The following CERS6 variants were observed in gnomAD, a reference collection of about 807,000 sequenced individuals.
The protein encoded by CERS6 is ceramide synthase 6.
A neutral mutation model predicts 56.8 loss-of-function variants in CERS6; 26 were observed. The observed-to-expected ratio is 0.46, with a 90% CI of 0.34 to 0.63. CERS6 has a LOEUF of 0.63. Among genes scored for constraint, CERS6 ranks in the 30% least tolerant of loss-of-function variants. The probability of loss-of-function intolerance (pLI) is 0.01; values close to 1 mark genes in which losing one functional copy is unlikely to be tolerated. For synonymous variants in CERS6, 164 were observed against 173.3 expected (o/e 0.95, Z 0.42); for missense variants, 415 against 467.5 (o/e 0.89, Z 1.04).
At chr2:168,561,151 A>C in intron 2 of CERS6, 41 bp from the exon 3 acceptor site, 1 of 1,609,330 alleles carries the variant, frequency 6.2e-7, no homozygotes, top group Non-Finnish European at 8.5e-7. Flanking sequence ...GTGAAAATGA[A>C]AATGGATTGA....
At chr2:168,463,727 G>A (rs1693818711) in intron 1 of CERS6, among the ~76,000 whole-genome samples, 1 of 152,098 alleles carries the variant, frequency 6.6e-6, no homozygotes, top group East Asian at 1.9e-4. Flanking sequence ...CGGCAACATG[G>A]CAAAACCCCG....
chr2:168,589,177 C>T (rs910693130), intron 3 of CERS6, among the ~76,000 whole-genome samples: 18 of 152,174 alleles, frequency 1.2e-4, no homozygotes, highest in Non-Finnish European at 2.2e-4. Context: ...ACAAGGGTTC[C>T]AATTTCTGTA....
intron 1 of CERS6, among the ~76,000 whole-genome samples, chr2:168,462,171 C>T (rs527263763): frequency 9.2e-5 from 14 of 152,242 alleles, no homozygotes; most frequent in Non-Finnish European, 1.3e-4. Flanking sequence ...CTTACATAGT[C>T]GGGACTTTCA....
Position 168,722,225 on chromosome 2 carries a change from T to A in CERS6, c.845+4247T>A, listed in dbSNP as rs557630597. Among the ~76,000 whole-genome samples, 667 of 152,306 alleles carry A rather than the reference T, an allele frequency of 4.4e-3. 3 individuals are homozygous for A. Among genetic ancestry groups the A allele is most frequent in the African/African-American group, 0.015 (614 of 41,562 alleles). On this transcript the variant is annotated intron_variant, in intron 8 of 9. Coordinates refer to ENST00000305747, the MANE Select transcript of CERS6 (RefSeq NM_203463.3). ...CGATATATAATTTGCAAATGTTTTC[T>A]CCCTTACTGAGGGTTGTCTTTCACT...
At chr2:168,677,829 T>C (rs1686103482) in intron 4 of CERS6, among the ~76,000 whole-genome samples, 1 of 152,178 alleles carries the variant, frequency 6.6e-6, no homozygotes, top group Non-Finnish European at 1.5e-5. Context: ...TTTATAATCT[T>C]TTGGGTATAT....
chr2:168,631,550 T>TAAATATAATATATA lies in CERS6; in HGVS notation c.465+508_465+509insAAATATAATATATA, dbSNP rs1684722738. Among the ~76,000 whole-genome samples, 3 of 48,772 alleles carry TAAATATAATATATA rather than the reference T, an allele frequency of 6.2e-5. 1 individual carries two copies. The highest frequency in any genetic ancestry group is 1.1e-4 in the Non-Finnish European group (3 of 26,992). The allele number at this position is 48,772 out of a possible 152,430, so 32.0% of individuals were successfully genotyped here. A position where few individuals can be genotyped will look rare whatever the true frequency, so the allele number is the denominator to read the frequency against. ...TAAATACATATTAAATATATTATATTTTTAATATTTATATATTAAATATAA... is the reference window on the plus strand; with the variant it reads ...TAAATACATATTAAATATATTATATTAAATATAATATATATTTAATATTTATATATTAAATATAA... On this transcript the variant is annotated intron_variant, in intron 4 of 9. Coordinates refer to ENST00000305747, the MANE Select transcript of CERS6 (RefSeq NM_203463.3).
intron 1 of CERS6, among the ~76,000 whole-genome samples, chr2:168,473,265 T>C (rs1694010095): frequency 6.6e-6 from 1 of 152,166 alleles, no homozygotes; most frequent in Admixed American, 6.5e-5. Flanking sequence ...TTGTTTAAGT[T>C]TTTTCTTTTG....
rs1384500671 is a variant in CERS6, at chr2:168,769,608, G to A, written c.1101G>A (p.Gly367=). The A allele has an allele frequency of 1.9e-6, 3 of 1,612,270 alleles. No homozygotes were observed. Among genetic ancestry groups the A allele is most frequent in the East Asian group, 2.2e-5 (1 of 44,818 alleles). The part of the protein sequence containing the change: ...KNPHTATTTN[G]TSGTNGYLLT... ...CCCACACTGCGACAACCACCAATGG[G>A]ACCAGTGGTACCAACGGGTATCTCC... Residue 367 remains glycine (G), a synonymous_variant, in exon 10 of 10, where the codon GGG becomes GGA. Transcript: ENST00000305747.
At chr2:168,675,299 A>C (rs1261656665) in intron 4 of CERS6, among the ~76,000 whole-genome samples, 2 of 151,970 alleles carry the variant, frequency 1.3e-5, no homozygotes, top group Non-Finnish European at 2.9e-5. Flanking sequence ...AAATAACAAC[A>C]ATAGGCCGGG....
chr2:168,664,284 C>G (rs1191826550), intron 4 of CERS6, among the ~76,000 whole-genome samples: 1 of 152,150 alleles, frequency 6.6e-6, no homozygotes, highest in Non-Finnish European at 1.5e-5. Flanking sequence ...TTATCTCTTC[C>G]TGCACCTTCC....
At chr2:168,679,402 T>C (rs1230745971) in intron 4 of CERS6, among the ~76,000 whole-genome samples, 3 of 152,234 alleles carry the variant, frequency 2.0e-5, no homozygotes, top group African/African-American at 7.2e-5. Flanking sequence ...ATCCAATATC[T>C]ACACGTGTTA....
At chr2:168,596,729 T>C (rs756344074) in intron 3 of CERS6, among the ~76,000 whole-genome samples, 30 of 152,064 alleles carry the variant, frequency 2.0e-4, no homozygotes, top group Non-Finnish European at 3.8e-4. Flanking sequence ...AATTTGTTGG[T>C]GTTTTTAATA....
At chr2:168,569,616 C>T (rs1328654114) in intron 3 of CERS6, among the ~76,000 whole-genome samples, 1 of 152,232 alleles carries the variant, frequency 6.6e-6, no homozygotes, top group Non-Finnish European at 1.5e-5. Flanking sequence ...GTATTTCTGG[C>T]AGACAAAATC....
intron 1 of CERS6, among the ~76,000 whole-genome samples, chr2:168,501,217 T>C (rs1694574318): frequency 6.6e-6 from 1 of 152,204 alleles, no homozygotes; most frequent in African/African-American, 2.4e-5. Context: ...AGCATCAATA[T>C]CCATGATTCA....
intron 1 of CERS6, among the ~76,000 whole-genome samples, chr2:168,535,443 G>A (rs1015174730): frequency 1.3e-5 from 2 of 152,080 alleles, no homozygotes; most frequent in African/African-American, 4.8e-5. Context: ...CTTGGTTGGG[G>A]GGAGAGGGTT....
intron 3 of CERS6, among the ~76,000 whole-genome samples, chr2:168,619,484 A>G (rs2105282218): frequency 1.3e-5 from 2 of 152,302 alleles, no homozygotes; most frequent in Middle Eastern, 3.4e-3. Context: ...TCCAGAATCT[A>G]AAAAGAACTC....
intron 1 of CERS6, among the ~76,000 whole-genome samples, chr2:168,510,727 T>C (rs968268641): frequency 2.0e-5 from 3 of 152,254 alleles, no homozygotes; most frequent in Non-Finnish European, 1.5e-5. Context: ...AAATTTATAT[T>C]GTTTGCTTTC....
intron 4 of CERS6, among the ~76,000 whole-genome samples, chr2:168,652,136 G>A (rs1212721892): frequency 6.6e-6 from 1 of 150,634 alleles, no homozygotes; most frequent in Non-Finnish European, 1.5e-5. Context: ...CACATTTGCT[G>A]ATGGGCTGTT....
At chr2:168,511,645 C>T (rs936441112) in intron 1 of CERS6, among the ~76,000 whole-genome samples, 6 of 152,220 alleles carry the variant, frequency 3.9e-5, no homozygotes, top group African/African-American at 1.4e-4. Context: ...TCTTTATAAT[C>T]TCTGTTCTTT....
Sources: allele counts gnomAD v4.1 joint callset (sites outside exome capture counted in the v4.1 genomes callset), GRCh38; gene constraint gnomAD v4.1.1; transcripts MANE v1.5; gene names NCBI Gene and HGNC (gene_info 2026-07-23, HGNC 2026-07-21).